Variants in NSMCE2 observed in about 807,000 individuals in gnomAD.
The protein encoded by NSMCE2 is NSE2 SUMO ligase component of SMC5/6 complex.
Under a neutral mutation model 23.8 loss-of-function variants are expected in NSMCE2, and 24 were observed. The observed-to-expected ratio is 1.01, with a 90% CI of 0.73 to 1.42. NSMCE2 has a LOEUF of 1.42. Ranked by LOEUF, NSMCE2 falls within the 40% of genes most tolerant of loss-of-function variation. The pLI, the probability that NSMCE2 is intolerant of heterozygous loss-of-function variation, is 0.00. For synonymous variants in NSMCE2, 92 were observed against 94.1 expected, an observed-to-expected ratio of 0.98 and a Z score of 0.13; for missense variants, 284 against 296.5, an observed-to-expected ratio of 0.96 and a Z score of 0.31.
intron 5 of NSMCE2, among the ~76,000 whole-genome samples, chr8:125,318,285 C>G (rs1049968862): frequency 6.6e-6 from 1 of 151,950 alleles, no homozygotes. Context: ...GCCTGTAGTC[C>G]CAGCTACTTA....
intron 3 of NSMCE2, among the ~76,000 whole-genome samples, chr8:125,117,665 A>G (rs2130472905): frequency 6.6e-6 from 1 of 152,184 alleles, no homozygotes; most frequent in Non-Finnish European, 1.5e-5. Context: ...AGAGGCGTGC[A>G]CCACGATCCC....
At position 125,340,160 on chromosome 8, in the gene NSMCE2, G is replaced by T. The variant is rs560256782; in HGVS notation, c.419-17059G>T. Among the ~76,000 whole-genome samples, 103 of 151,654 alleles carry T rather than the reference G, an allele frequency of 6.8e-4. 2 individuals carry two copies. The South Asian group carries it at 0.021, about 31-fold the overall frequency. On this transcript the variant is annotated intron_variant, in intron 5 of 7. Coordinates refer to ENST00000287437, the MANE Select transcript of NSMCE2 (RefSeq NM_173685.4). Reference sequence around the variant, plus strand: ...CTCCCGAGTAGCTGGGACTACAGGCGCCCGCCATCACGCCCGGCTAATTTT... The same window carrying T: ...CTCCCGAGTAGCTGGGACTACAGGCTCCCGCCATCACGCCCGGCTAATTTT...
At chr8:125,221,256 C>T (rs962190471) in intron 5 of NSMCE2, among the ~76,000 whole-genome samples, 1 of 152,120 alleles carries the variant, frequency 6.6e-6, no homozygotes, top group Admixed American at 6.6e-5. Context: ...AGATGTATCT[C>T]TTTTATTGAG....
intron 7 of NSMCE2, among the ~76,000 whole-genome samples, chr8:125,358,995 G>A (rs1035431562): frequency 2.0e-5 from 3 of 151,984 alleles, no homozygotes; most frequent in Non-Finnish European, 4.4e-5. Context: ...GGCCAGGCGC[G>A]GTGGCTCACA....
intron 3 of NSMCE2, among the ~76,000 whole-genome samples, chr8:125,123,558 A>G (rs1277337953): frequency 1.3e-5 from 2 of 152,378 alleles, no homozygotes; most frequent in African/African-American, 2.4e-5. Flanking sequence ...CACATCCAGA[A>G]TATCTTCTGC....
At chr8:125,175,274 G>T (rs1822427908) in intron 4 of NSMCE2, among the ~76,000 whole-genome samples, 1 of 152,082 alleles carries the variant, frequency 6.6e-6, no homozygotes. Context: ...ACCCAACTGG[G>T]ACTCAGTAAT....
At chr8:125,170,685 G>A (rs908092885) in intron 4 of NSMCE2, among the ~76,000 whole-genome samples, 2 of 151,962 alleles carry the variant, frequency 1.3e-5, no homozygotes, top group African/African-American at 4.8e-5. Flanking sequence ...TGGGATTACA[G>A]GCGTGAGCCA....
intron 1 of NSMCE2, among the ~76,000 whole-genome samples, chr8:125,100,686 G>A (rs1342932193): frequency 6.6e-6 from 1 of 151,988 alleles, no homozygotes; most frequent in Non-Finnish European, 1.5e-5. Context: ...CCAGCTTCCC[G>A]AGTAGCTGGG....
chr8:125,092,502 C>G (rs1312664900), intron 1 of NSMCE2, among the ~76,000 whole-genome samples: 1 of 152,084 alleles, frequency 6.6e-6, no homozygotes, highest in Non-Finnish European at 1.5e-5. Flanking sequence ...GACATGTGAG[C>G]AAATAGTTGT....
intron 1 of NSMCE2, among the ~76,000 whole-genome samples, chr8:125,100,375 C>A (rs1180664150): frequency 6.6e-6 from 1 of 151,674 alleles, no homozygotes; most frequent in Non-Finnish European, 1.5e-5. Context: ...ATCTGTTAAA[C>A]TTCGTCTTTT....
chr8:125,353,289 C>T (rs1813115022), intron 5 of NSMCE2, among the ~76,000 whole-genome samples: 1 of 152,140 alleles, frequency 6.6e-6, no homozygotes, highest in Admixed American at 6.5e-5. Context: ...TATTTTTACT[C>T]TTAAACACAC....
chr8:125,323,662 C>T (rs1829538488), intron 5 of NSMCE2, among the ~76,000 whole-genome samples: 1 of 152,134 alleles, frequency 6.6e-6, no homozygotes, highest in African/African-American at 2.4e-5. Context: ...ATATCTCACA[C>T]CATATGTAAA....
intron 5 of NSMCE2, among the ~76,000 whole-genome samples, chr8:125,326,466 G>A (rs753451926): frequency 1.3e-5 from 2 of 151,936 alleles, no homozygotes; most frequent in Non-Finnish European, 2.9e-5. Flanking sequence ...TATAGTTTGT[G>A]TATATACACT....
At chr8:125,149,824 G>A (rs980427380) in intron 3 of NSMCE2, among the ~76,000 whole-genome samples, 14 of 152,110 alleles carry the variant, frequency 9.2e-5, no homozygotes, top group Admixed American at 2.0e-4. Flanking sequence ...GTTTTCTTGT[G>A]TATTATAGGT....
intron 5 of NSMCE2, among the ~76,000 whole-genome samples, chr8:125,261,872 A>C (rs1165075902): frequency 1.3e-5 from 2 of 151,038 alleles, no homozygotes; most frequent in Non-Finnish European, 3.0e-5. Context: ...CAGCATGGTC[A>C]GATCACCTGA....
intron 3 of NSMCE2, among the ~76,000 whole-genome samples, chr8:125,143,284 C>T (rs887523391): frequency 2.6e-5 from 4 of 152,042 alleles, no homozygotes; most frequent in Non-Finnish European, 5.9e-5. Context: ...GAATAGATGT[C>T]TTCTTTACAA....
intron 4 of NSMCE2, among the ~76,000 whole-genome samples, chr8:125,153,311 G>T (rs1037203020): frequency 6.6e-6 from 1 of 152,128 alleles, no homozygotes; most frequent in African/African-American, 2.4e-5. Context: ...TATCAGGAAG[G>T]TCTCTGTTCT....
At chr8:125,239,406 C>T (rs369150458) in intron 5 of NSMCE2, among the ~76,000 whole-genome samples, 6 of 151,978 alleles carry the variant, frequency 3.9e-5, no homozygotes, top group South Asian at 2.1e-4. Context: ...GCCAGGATTT[C>T]GAGACTAGCC....
intron 7 of NSMCE2, among the ~76,000 whole-genome samples, chr8:125,362,612 A>AG (rs944096164): frequency 2.0e-5 from 3 of 152,214 alleles, no homozygotes; most frequent in African/African-American, 7.2e-5. Flanking sequence ...ATGTTCTTAA[A>AG]GGGAAAAACT....
Sources: gnomAD v4.1 joint callset for allele counts (sites outside exome capture counted in the v4.1 genomes callset) on GRCh38, gnomAD v4.1.1 for gene constraint, MANE v1.5 for transcripts, NCBI Gene and HGNC (gene_info 2026-07-23, HGNC 2026-07-21) for gene names.